PIK3R1: variants seen among roughly 807,000 people sequenced by gnomAD.
The protein encoded by PIK3R1 is phosphoinositide-3-kinase regulatory subunit 1, also known as phosphatidylinositol 3-kinase regulatory subunit alpha.
Under a neutral mutation model 98.0 loss-of-function variants are expected in PIK3R1, and 29 were observed. That is an observed-to-expected ratio of 0.30 (90% confidence interval 0.22 to 0.40). PIK3R1 has a LOEUF of 0.40. PIK3R1 is among the 10% of genes least tolerant of loss of function. The pLI, the probability that PIK3R1 is intolerant of heterozygous loss-of-function variation, is 1.00. For missense variants in PIK3R1, 596 were observed against 872.7 expected, an observed-to-expected ratio of 0.68 and a Z score of 3.99; for synonymous variants, 282 against 311.8, an observed-to-expected ratio of 0.90 and a Z score of 1.01.
At position 68,301,366 on chromosome 5, in the gene PIK3R1, ATGTGTGTGTG is replaced by A. The variant is rs1295943886; in HGVS notation, c.*3783_*3792del. 2,906 of 62,692 alleles carry A rather than the reference ATGTGTGTGTG, an allele frequency of 0.046. 161 individuals carry two copies. Among genetic ancestry groups the A allele is most frequent in the East Asian group, 0.099 (195 of 1,962 alleles). The allele number at this position is 62,692 out of a possible 1,614,324, so 3.9% of individuals were successfully genotyped here. A position where few individuals can be genotyped will look rare whatever the true frequency, so the allele number is the denominator to read the frequency against. On this transcript the variant is annotated 3_prime_UTR_variant, in exon 16 of 16. Transcript: ENST00000521381. ...GCTATATATATATATATATATATAT[ATGTGTGTGTG>A]TGTGTGTGTGTGTGTGTATATATAT...
At chr5:68,255,693 T>TA (rs1169554899) in intron 2 of PIK3R1, among the ~76,000 whole-genome samples, 1 of 152,234 alleles carries the variant, frequency 6.6e-6, no homozygotes, top group Non-Finnish European at 1.5e-5. Context: ...AAGTGAAACA[T>TA]ACGGCTATCA....
chr5:68,262,403 T>TATATACACAC (rs33968242), intron 2 of PIK3R1, among the ~76,000 whole-genome samples: 1 of 140,606 alleles, frequency 7.1e-6, no homozygotes. Context: ...TATATATATA[T>TATATACACAC]ACACACACGC....
At chr5:68,216,828 CCT>C (rs1025383073) in intron 1 of PIK3R1, among the ~76,000 whole-genome samples, 1 of 152,244 alleles carries the variant, frequency 6.6e-6, no homozygotes, top group Non-Finnish European at 1.5e-5. Flanking sequence ...GAACAGAAAA[CCT>C]CTGGCCAGGC....
intron 2 of PIK3R1, among the ~76,000 whole-genome samples, chr5:68,253,858 GA>G (rs756929726): frequency 4.3e-4 from 65 of 152,160 alleles, no homozygotes; most frequent in Non-Finnish European, 7.8e-4. Context: ...CTCAGCACTT[GA>G]CTAAGCAGGT....
intron 2 of PIK3R1, among the ~76,000 whole-genome samples, chr5:68,253,713 C>T (rs770253346): frequency 3.9e-5 from 6 of 152,168 alleles, no homozygotes; most frequent in Non-Finnish European, 4.4e-5. Flanking sequence ...GAGGTGTTAG[C>T]AAGTATCTAC....
chr5:68,277,559 G>A (rs551797106), intron 4 of PIK3R1, among the ~76,000 whole-genome samples: 1 of 152,230 alleles, frequency 6.6e-6, no homozygotes, highest in Non-Finnish European at 1.5e-5. Flanking sequence ...AGTGGGGCAA[G>A]TTTGGTTTAT....
chr5:68,257,719 G>A (rs1312654834), intron 2 of PIK3R1, among the ~76,000 whole-genome samples: 1 of 152,092 alleles, frequency 6.6e-6, no homozygotes, highest in African/African-American at 2.4e-5. Context: ...TTAATTCCCT[G>A]TCCTCTCCTC....
intron 2 of PIK3R1, among the ~76,000 whole-genome samples, chr5:68,236,165 T>C (rs543109266): frequency 6.7e-6 from 1 of 149,658 alleles, no homozygotes; most frequent in East Asian, 2.0e-4. Context: ...GCCACCACGC[T>C]GGCCCTGCCA....
chr5:68,225,234 ATTT>A (rs568329582), intron 1 of PIK3R1, among the ~76,000 whole-genome samples: 2 of 137,740 alleles, frequency 1.5e-5, no homozygotes, highest in Non-Finnish European at 3.2e-5. Flanking sequence ...CCCTTGGATC[ATTT>A]TTTTTTTTTT....
intron 7 of PIK3R1, among the ~76,000 whole-genome samples, chr5:68,282,649 G>A (rs761053579): frequency 2.0e-5 from 3 of 152,078 alleles, no homozygotes; most frequent in Non-Finnish European, 2.9e-5. Flanking sequence ...AAGTAAAAAC[G>A]GGTATCTGCA....
chr5:68,269,126 G>C (rs150880395), intron 2 of PIK3R1, among the ~76,000 whole-genome samples: 55 of 152,250 alleles, frequency 3.6e-4, no homozygotes, highest in African/African-American at 1.1e-3. Context: ...GAAATAATGC[G>C]TGTCTTGGAT....
Position 68,299,156 on chromosome 5 carries a change from A to G in PIK3R1, c.*1555A>G, listed in dbSNP as rs574799532. ...AACAGCGCTCACCTTTGTTTAGAACACTGGTTTAAAGGGATAATCATCTCT... is the reference window on the plus strand; with the variant it reads ...AACAGCGCTCACCTTTGTTTAGAACGCTGGTTTAAAGGGATAATCATCTCT... On this transcript the variant is annotated 3_prime_UTR_variant, in exon 16 of 16. Coordinates refer to ENST00000521381, the MANE Select transcript of PIK3R1 (RefSeq NM_181523.3). The G allele has an allele frequency of 4.3e-6, 1 of 233,614 alleles. No individual in the cohort carries two copies. The highest frequency in any genetic ancestry group is 1.8e-4 in the South Asian group (1 of 5,516). The allele number at this position is 233,614 out of a possible 1,614,324, so 14.5% of individuals were successfully genotyped here.
intron 7 of PIK3R1, chr5:68,291,758 C>T (rs1361239732): frequency 2.0e-5 from 3 of 152,634 alleles, no homozygotes; most frequent in African/African-American, 4.8e-5. Context: ...CCAATTGCTC[C>T]TCTTAAAACA....
chr5:68,270,515 C>T (rs548305883), intron 2 of PIK3R1, among the ~76,000 whole-genome samples: 16 of 151,884 alleles, frequency 1.1e-4, no homozygotes, highest in African/African-American at 3.9e-4. Context: ...ATTTTCAGAG[C>T]CAACATTAAA....
chr5:68,292,128 G>A, intron 7 of PIK3R1, 131 bp from the exon 8 acceptor site: 3 of 517,588 alleles, frequency 5.8e-6, no homozygotes, highest in Non-Finnish European at 3.5e-6. Flanking sequence ...ATATTGCATG[G>A]AATTGTGAAC....
intron 2 of PIK3R1, among the ~76,000 whole-genome samples, chr5:68,264,888 G>T (rs16897561): frequency 0.27 from 41,187 of 152,104 alleles, 6,852 homozygotes; most frequent in African/African-American, 0.48. Flanking sequence ...AATTCGTTGT[G>T]GTATCAGACC....
At chr5:68,283,074 T>C (rs922322769) in intron 7 of PIK3R1, among the ~76,000 whole-genome samples, 1 of 152,242 alleles carries the variant, frequency 6.6e-6, no homozygotes, top group Non-Finnish European at 1.5e-5. Context: ...TTCTTAGGCC[T>C]GGTTTAAAAA....
intron 2 of PIK3R1, among the ~76,000 whole-genome samples, chr5:68,252,319 C>A (rs535329375): frequency 2.0e-5 from 3 of 149,972 alleles, no homozygotes; most frequent in South Asian, 4.2e-4. Context: ...TTTAAGTTGG[C>A]AGATATGCTT....
At chr5:68,263,610 T>G (rs574752031) in intron 2 of PIK3R1, among the ~76,000 whole-genome samples, 1 of 152,346 alleles carries the variant, frequency 6.6e-6, no homozygotes, top group African/African-American at 2.4e-5. Flanking sequence ...TTCATTTTGT[T>G]AAACTCTGAT....
Sources: gnomAD v4.1 joint callset for allele counts (sites outside exome capture counted in the v4.1 genomes callset) on GRCh38, gnomAD v4.1.1 for gene constraint, MANE v1.5 for transcripts, NCBI Gene and HGNC (gene_info 2026-07-23, HGNC 2026-07-21) for gene names.